The following USF2 variants were observed in gnomAD, a reference collection of about 807,000 sequenced individuals.
USF2 encodes upstream transcription factor 2, c-fos interacting, also known as upstream stimulatory factor 2.
Under a neutral mutation model 46.9 loss-of-function variants are expected in USF2, and 16 were observed. The observed-to-expected ratio is 0.34, with a 90% CI of 0.23 to 0.52. The LOEUF is 0.52. Among genes scored for constraint, USF2 ranks in the 20% least tolerant of loss-of-function variants. USF2 has a pLI of 0.96. For synonymous variants in USF2, 239 were observed against 194.1 expected, an observed-to-expected ratio of 1.23 and a Z score of -1.92; for missense variants, 411 against 474.0, an observed-to-expected ratio of 0.87 and a Z score of 1.23.
chr19:35,270,236 T>TA (rs752404931), intron 4 of USF2: 14 of 908,090 alleles, frequency 1.5e-5, no homozygotes, highest in Non-Finnish European at 1.9e-5. Flanking sequence ...GAAAGTTTCT[T>TA]AGAGTGCGAA....
In USF2 at chr19:35,279,558, T is replaced by A; in HGVS notation, c.*302T>A. 2.8e-6 allele frequency: 1 copy of A among 355,168 alleles called. No individual in the cohort carries two copies. The highest frequency in any genetic ancestry group is 2.1e-5 in the African/African-American group (1 of 47,212). 22.0% of individuals were successfully genotyped at this position (355,168 alleles called of 1,614,324 possible). On this transcript the variant is annotated 3_prime_UTR_variant, in exon 10 of 10. Coordinates refer to ENST00000222305, the MANE Select transcript of USF2 (RefSeq NM_003367.4). ...GGCAAGAGGGAGGGGACAGAGGCCC[T>A]GCCACGTCCCGCTGCCTCCTGCTCT...
chr19:35,274,813 A>G (rs1464112805), intron 7 of USF2, among the ~76,000 whole-genome samples: 1 of 152,146 alleles, frequency 6.6e-6, no homozygotes, highest in East Asian at 1.9e-4. Flanking sequence ...AAGATAGGAA[A>G]GGTTGTGGGG....
intron 7 of USF2, chr19:35,275,672 G>A (rs973438989): frequency 6.6e-6 from 1 of 152,098 alleles, no homozygotes; most frequent in African/African-American, 2.4e-5. Flanking sequence ...CTGTTATTTG[G>A]AGGCAGGTTG....
chr19:35,269,356 C>A, intron 1 of USF2, 90 bp from the exon 2 acceptor site: 3 of 1,093,722 alleles, frequency 2.7e-6, no homozygotes, highest in South Asian at 4.3e-5. Flanking sequence ...CAGGCGCGGC[C>A]GGGTGGGACT....
intron 6 of USF2, 126 bp downstream of exon 6, chr19:35,270,931 CTGCTGCTCTAGTGCACATAAAGTA>C: frequency 1.4e-6 from 2 of 1,432,288 alleles, no homozygotes; most frequent in Non-Finnish European, 1.9e-6. Flanking sequence ...TTGCCTGTTT[CTGCTGCTCTAGTGCACATAAAGTA>C]TCATGTCTTT....
intron 7 of USF2, among the ~76,000 whole-genome samples, chr19:35,274,647 T>C (rs962958479): frequency 3.3e-5 from 5 of 152,116 alleles, no homozygotes; most frequent in African/African-American, 1.2e-4. Context: ...ACCAAAAAAA[T>C]TAAAAATTAG....
chr19:35,269,701 T>A lies in USF2; in HGVS notation c.228+2T>A. 1 of 678,620 alleles carries A rather than the reference T, an allele frequency of 1.5e-6. No homozygotes were observed. Among genetic ancestry groups the A allele is most frequent in the South Asian group, 2.3e-5 (1 of 42,660 alleles). 42.0% of individuals were successfully genotyped at this position (678,620 alleles called of 1,614,324 possible). Reference sequence around the variant, plus strand: ...CGCACAGAGACAAATGGAGGACAGGTGAGCGGCGGGCCGCGAGGGCGAACG... The same window carrying A: ...CGCACAGAGACAAATGGAGGACAGGAGAGCGGCGGGCCGCGAGGGCGAACG... On this transcript the variant is annotated splice_donor_variant, in intron 3 of 9. Transcript: ENST00000222305. LOFTEE classifies it high-confidence loss of function.
chr19:35,274,382 C>T (rs1217476315), intron 7 of USF2, among the ~76,000 whole-genome samples: 3 of 152,190 alleles, frequency 2.0e-5, no homozygotes, highest in Non-Finnish European at 2.9e-5. Flanking sequence ...ATCCGCTTCT[C>T]TCACTTCTTT....
Position 35,278,942 on chromosome 19 carries a change from C to G in USF2, c.823-4C>G. The G allele has an allele frequency of 2.6e-6, 4 of 1,555,836 alleles. No homozygotes were observed. The highest frequency in any genetic ancestry group is 1.9e-5 in the Admixed American group (1 of 52,590). ...CTAAGGCTCCTGGTCCCCTCGCCCC[C>G]CAGAGTAAAGGAGGGATCCTGTCCA... On this transcript the variant is annotated splice_region_variant and splice_polypyrimidine_tract_variant and intron_variant, in intron 8 of 9. Coordinates refer to ENST00000222305, the MANE Select transcript of USF2 (RefSeq NM_003367.4).
chr19:35,276,069 C>A (rs1471864996), intron 7 of USF2, among the ~76,000 whole-genome samples: 1 of 112,042 alleles, frequency 8.9e-6, no homozygotes, highest in Non-Finnish European at 1.7e-5. Flanking sequence ...TGAATTTTCT[C>A]TTTTTTTTTT....
At chr19:35,270,658 C>T (rs1024253037) in intron 5 of USF2, 60 bp from the exon 6 acceptor site, 1 of 1,609,352 alleles carries the variant, frequency 6.2e-7, no homozygotes, top group Non-Finnish European at 8.5e-7. Flanking sequence ...GGGAGGGAAG[C>T]CCCCCCAGCC....
intron 6 of USF2, 113 bp downstream of exon 6, chr19:35,270,918 T>C: frequency 6.8e-7 from 1 of 1,469,376 alleles, no homozygotes. Context: ...ATGTTTTTTT[T>C]CTTTGCCTGT....
Position 35,279,011 on chromosome 19 carries a change from C to T in USF2, c.888C>T (p.Arg296=). ...YIRELRQTNQ[R]MQETFKEAER... ...GGGAGTTGCGCCAGACCAACCAGCGCATGCAGGAGACCTTCAAAGAGGCCG... is the reference window on the plus strand; with the variant it reads ...GGGAGTTGCGCCAGACCAACCAGCGTATGCAGGAGACCTTCAAAGAGGCCG... The change falls in exon 9 of 10, where the codon CGC becomes CGT. Residue 296 remains arginine (R), a synonymous_variant. Coordinates refer to ENST00000222305, the MANE Select transcript of USF2 (RefSeq NM_003367.4). 2.5e-6 allele frequency: 4 copies of T among 1,578,540 alleles called. No homozygotes were observed. The South Asian group carries it at 4.6e-5, about 18-fold the overall frequency.
chr19:35,270,298 T>C, intron 4 of USF2, 149 bp from the exon 5 acceptor site: 1 of 1,244,936 alleles, frequency 8.0e-7, no homozygotes, highest in Non-Finnish European at 1.1e-6. Flanking sequence ...TCCAGGGCTG[T>C]TTGAAACACA....
intron 3 of USF2, 47 bp from the exon 4 acceptor site, chr19:35,269,756 C>G (rs913216206): frequency 1.4e-6 from 2 of 1,478,128 alleles, no homozygotes; most frequent in Non-Finnish European, 1.8e-6. Flanking sequence ...CGGGAAGGCT[C>G]GGACCTGGCC....
intron 7 of USF2, chr19:35,275,983 G>C (rs1470260022): frequency 6.6e-6 from 1 of 151,830 alleles, no homozygotes; most frequent in Non-Finnish European, 1.5e-5. Flanking sequence ...ACCAATCAAT[G>C]AGAAAGATGT....
At chr19:35,272,327 C>T (rs2066169271) in intron 7 of USF2, among the ~76,000 whole-genome samples, 1 of 152,014 alleles carries the variant, frequency 6.6e-6, no homozygotes, top group South Asian at 2.1e-4. Flanking sequence ...AAGAAGGTGG[C>T]GGGTGATGGC....
At chr19:35,277,527 G>A (rs1406842823) in intron 7 of USF2, 1 of 152,288 alleles carries the variant, frequency 6.6e-6, no homozygotes, top group Non-Finnish European at 1.5e-5. Flanking sequence ...GCCGATCTCG[G>A]GGTGTGAGGG....
chr19:35,269,384 C>T, intron 1 of USF2, 62 bp from the exon 2 acceptor site: 2 of 1,292,228 alleles, frequency 1.5e-6, no homozygotes, highest in Admixed American at 4.1e-5. Flanking sequence ...TGCAGCTGGG[C>T]GCGGGGGCGG....
Sources: allele counts gnomAD v4.1 joint callset (sites outside exome capture counted in the v4.1 genomes callset), GRCh38; gene constraint gnomAD v4.1.1; transcripts MANE v1.5; gene names NCBI Gene and HGNC (gene_info 2026-07-23, HGNC 2026-07-21).